The following ELAPOR2 variants were observed in gnomAD, a reference collection of about 807,000 sequenced individuals.
ELAPOR2 encodes endosome-lysosome associated apoptosis and autophagy regulator family member 2.
ELAPOR2 carries 89 observed loss-of-function variants against 120.7 expected under a neutral mutation model. That is an observed-to-expected ratio of 0.74 (90% CI 0.62 to 0.88). ELAPOR2 has a LOEUF of 0.88. ELAPOR2 is among the 40% of genes least tolerant of loss of function. The pLI, the probability that ELAPOR2 is intolerant of heterozygous loss-of-function variation, is 0.00. For missense variants in ELAPOR2, 1,134 were observed against 1,251.6 expected (o/e 0.91, Z 1.42); for synonymous variants, 444 against 444.9 (o/e 1.00, Z 0.03).
intron 21 of ELAPOR2, among the ~76,000 whole-genome samples, chr7:86,881,899 T>A (rs887166653): frequency 6.6e-6 from 1 of 152,240 alleles, no homozygotes; most frequent in African/African-American, 2.4e-5. Flanking sequence ...CATGAGAAGA[T>A]AATAGGAAGT....
chr7:87,040,174 G>C (rs1794730330), intron 1 of ELAPOR2, among the ~76,000 whole-genome samples: 1 of 152,212 alleles, frequency 6.6e-6, no homozygotes, highest in South Asian at 2.1e-4. Flanking sequence ...CAAACTGCAA[G>C]GCGGCAGCGA....
chr7:87,005,037 T>G (rs1043634026), intron 1 of ELAPOR2, among the ~76,000 whole-genome samples: 1 of 152,114 alleles, frequency 6.6e-6, no homozygotes, highest in Non-Finnish European at 1.5e-5. Context: ...TTGTATGGGC[T>G]GAGTGCAAGG....
intron 2 of ELAPOR2, among the ~76,000 whole-genome samples, chr7:86,962,061 T>C (rs1029524978): frequency 6.6e-6 from 1 of 152,180 alleles, no homozygotes; most frequent in Non-Finnish European, 1.5e-5. Flanking sequence ...GAGTCACATA[T>C]ACCCCAGGGT....
chr7:86,903,844 C>G (rs756909916), intron 18 of ELAPOR2, among the ~76,000 whole-genome samples: 5 of 152,170 alleles, frequency 3.3e-5, no homozygotes, highest in Non-Finnish European at 2.9e-5. Context: ...TGATTTTCCT[C>G]TAACTGGTGG....
intron 18 of ELAPOR2, among the ~76,000 whole-genome samples, chr7:86,906,558 G>T (rs757460818): frequency 6.6e-5 from 10 of 152,078 alleles, no homozygotes; most frequent in Non-Finnish European, 1.5e-4. Flanking sequence ...TTCCAATCCT[G>T]ATGTGACATA....
intron 21 of ELAPOR2, among the ~76,000 whole-genome samples, chr7:86,885,357 A>G (rs1406243949): frequency 6.6e-6 from 1 of 152,206 alleles, no homozygotes; most frequent in Non-Finnish European, 1.5e-5. Context: ...TTGCTGTTCA[A>G]CATAGGCCTT....
intron 18 of ELAPOR2, among the ~76,000 whole-genome samples, chr7:86,902,760 C>A (rs182898378): frequency 1.3e-5 from 2 of 152,052 alleles, no homozygotes; most frequent in African/African-American, 4.8e-5. Context: ...TGGGTGGCAA[C>A]CTAGGATTCA....
intron 1 of ELAPOR2, among the ~76,000 whole-genome samples, chr7:86,984,031 G>A (rs1484535394): frequency 6.6e-6 from 1 of 152,134 alleles, no homozygotes; most frequent in African/African-American, 2.4e-5. Flanking sequence ...ACAAAAAGCA[G>A]GGGTTGCAAT....
Position 86,909,832 on chromosome 7 carries a change from A to G in ELAPOR2, c.2339T>C (p.Ile780Thr). 1 of 1,611,402 alleles carries G rather than the reference A, an allele frequency of 6.2e-7. No individual in the cohort carries two copies. Among genetic ancestry groups the G allele is most frequent in the Non-Finnish European group, 8.5e-7 (1 of 1,178,764 alleles). ...CTTACCTATGAATGTATCTGCCAGA[A>G]TGATGGATTGTGATGATAAGGCTGC... ...FRAALSSQSI[I>T]LADTFIGVTV... The change falls in exon 16 of 22, where the codon ATT (isoleucine) becomes ACT (threonine). Residue 780 changes from isoleucine to threonine, a missense_variant. Around this residue, in one of 3 missense-constraint regions of ELAPOR2, gnomAD observed 831 missense variants for 867.6 expected, o/e 0.96. Transcript: ENST00000450689.
intron 1 of ELAPOR2, among the ~76,000 whole-genome samples, chr7:87,019,049 C>A (rs1793956542): frequency 6.6e-6 from 1 of 152,186 alleles, no homozygotes; most frequent in South Asian, 2.1e-4. Context: ...TTCGTTAAGA[C>A]ATTTAACTTC....
rs749927111 is a variant in ELAPOR2, at chr7:86,926,921, A to C, written c.1090-5T>G. ...CCACTTGTACATTATCTGTGTCTAC[A>C]AAAAAAAAAAAAAAAAAAAAGCAAC... On this transcript the variant is annotated splice_region_variant and splice_polypyrimidine_tract_variant and intron_variant, in intron 8 of 21. Coordinates refer to ENST00000450689, the MANE Select transcript of ELAPOR2 (RefSeq NM_001142749.3). The C allele has an allele frequency of 1.4e-5, 5 of 349,260 alleles. No individual in the cohort carries two copies. Among genetic ancestry groups the C allele is most frequent in the Non-Finnish European group, 2.1e-5 (5 of 240,156 alleles). 21.6% of individuals were successfully genotyped at this position (349,260 alleles called of 1,614,324 possible).
chr7:86,926,653 A>G, intron 9 of ELAPOR2, 83 bp downstream of exon 9: 1 of 1,337,076 alleles, frequency 7.5e-7, no homozygotes, highest in East Asian at 2.4e-5. Context: ...CACTTTCCAT[A>G]AAAACAATTT....
At chr7:86,986,428 CAAA>C (rs761833388) in intron 1 of ELAPOR2, among the ~76,000 whole-genome samples, 4 of 67,088 alleles carry the variant, frequency 6.0e-5, no homozygotes, top group Non-Finnish European at 8.5e-5. Context: ...GACTCCGTCT[CAAA>C]AAAAAAAAAA....
chr7:86,960,282 A>C (rs926650743), intron 2 of ELAPOR2, among the ~76,000 whole-genome samples: 2 of 152,040 alleles, frequency 1.3e-5, no homozygotes, highest in Non-Finnish European at 2.9e-5. Flanking sequence ...ACGGAGTCTC[A>C]CTCTGTCGCC....
intron 12 of ELAPOR2, among the ~76,000 whole-genome samples, chr7:86,917,755 T>C (rs1389305538): frequency 1.3e-5 from 2 of 151,928 alleles, no homozygotes; most frequent in South Asian, 2.1e-4. Flanking sequence ...ATTTTACATA[T>C]CACGGAGAAA....
chr7:86,996,601 C>G (rs550194675), intron 1 of ELAPOR2, among the ~76,000 whole-genome samples: 9 of 152,136 alleles, frequency 5.9e-5, no homozygotes, highest in Admixed American at 2.6e-4. Context: ...GAGTTTGAAG[C>G]AGGGAGATAA....
At chr7:86,940,592 C>T (rs1393866024) in intron 5 of ELAPOR2, among the ~76,000 whole-genome samples, 3 of 152,046 alleles carry the variant, frequency 2.0e-5, no homozygotes, top group South Asian at 2.1e-4. Context: ...TAGGAATGTT[C>T]TTAGGGATAA....
rs922364646 is a variant in ELAPOR2, at chr7:86,947,841, C to T, written c.392G>A (p.Gly131Asp). The T allele has an allele frequency of 6.4e-7, 1 of 1,551,960 alleles. No homozygotes were observed. The highest frequency in any genetic ancestry group is 1.4e-5 in the African/African-American group (1 of 73,010). Residue 131 changes from glycine to aspartate, a missense_variant, in exon 3 of 22, where the codon GGC becomes GAC. Gly to Asp is a moderately conservative substitution (Grantham distance 94). Coordinates refer to ENST00000450689, the MANE Select transcript of ELAPOR2 (RefSeq NM_001142749.3). ...CCATTCATCAAATTTGATGCCACTG[C>T]CCAAGGAATAGGTGCCTTCACCACA... Reference protein sequence around the residue: ...SKCGEGTYSLGSGIKFDEWDE... With the variant: ...SKCGEGTYSLDSGIKFDEWDE...
chr7:87,007,749 G>C (rs1452883523), intron 1 of ELAPOR2, among the ~76,000 whole-genome samples: 1 of 152,176 alleles, frequency 6.6e-6, no homozygotes, highest in Non-Finnish European at 1.5e-5. Context: ...GAATGAAACA[G>C]GTAAAGTAAC....
Sources: allele counts gnomAD v4.1 joint callset (sites outside exome capture counted in the v4.1 genomes callset), GRCh38; gene constraint gnomAD v4.1.1; regional missense constraint gnomAD v4.1.1; transcripts MANE v1.5; gene names NCBI Gene and HGNC (gene_info 2026-07-23, HGNC 2026-07-21).